DDX10: variants seen among roughly 807,000 people sequenced by gnomAD.
DDX10 encodes probable ATP-dependent RNA helicase DDX10.
In DDX10, 74 loss-of-function variants were observed where a neutral mutation model predicts 104.3. The ratio of observed to expected loss-of-function variants is 0.71; its 90% CI spans 0.59 to 0.86. DDX10 has a LOEUF of 0.86. Among genes scored for constraint, DDX10 ranks in the 40% least tolerant of loss-of-function variants. The pLI is 0.00. For synonymous variants in DDX10, 351 were observed against 353.4 expected, an observed-to-expected ratio of 0.99 and a Z score of 0.08; for missense variants, 952 against 1,040.0, an observed-to-expected ratio of 0.92 and a Z score of 1.16.
chr11:108,920,761 C>G (rs2134666424), intron 17 of DDX10: 1 of 152,306 alleles, frequency 6.6e-6, no homozygotes, highest in South Asian at 2.1e-4. Context: ...GACATGGTTT[C>G]CCACCCTCAG....
chr11:108,935,623 T>C (rs1864026806), intron 17 of DDX10, among the ~76,000 whole-genome samples: 1 of 152,154 alleles, frequency 6.6e-6, no homozygotes, highest in African/African-American at 2.4e-5. Context: ...ATGGAAACCA[T>C]TATTGAATGG....
At chr11:108,900,157 T>C (rs1863497768) in intron 16 of DDX10, among the ~76,000 whole-genome samples, 1 of 152,044 alleles carries the variant, frequency 6.6e-6, no homozygotes, top group Non-Finnish European at 1.5e-5. Context: ...CTCGCTCCTG[T>C]TCTTGCCATG....
chr11:108,798,261 G>T (rs1447246073), intron 13 of DDX10, among the ~76,000 whole-genome samples: 1 of 152,066 alleles, frequency 6.6e-6, no homozygotes, highest in Non-Finnish European at 1.5e-5. Context: ...CGGTCTCAAT[G>T]AATTTTTCTG....
At position 108,891,848 on chromosome 11, in the gene DDX10, C is replaced by T. The variant is rs548171749; in HGVS notation, c.2305-26025C>T. Among the ~76,000 whole-genome samples, 10 of 151,996 alleles carry T rather than the reference C, an allele frequency of 6.6e-5. No individual in the cohort carries two copies. The South Asian group carries it at 2.1e-3, about 32-fold the overall frequency. On this transcript the variant is annotated intron_variant, in intron 16 of 17. Transcript: ENST00000322536. ...TCTCCAGAACACTTTGTGGGGAGGG[C>T]ACCGGGAAGAGTGAAGAGCTAACAG...
chr11:108,703,935 A>G (rs1238614931), intron 9 of DDX10, among the ~76,000 whole-genome samples: 1 of 152,132 alleles, frequency 6.6e-6, no homozygotes, highest in Non-Finnish European at 1.5e-5. Flanking sequence ...TGCTTGCCTT[A>G]TGGATTTGAC....
intron 13 of DDX10, among the ~76,000 whole-genome samples, chr11:108,762,827 A>G (rs1264088397): frequency 1.3e-5 from 2 of 152,190 alleles, no homozygotes; most frequent in African/African-American, 4.8e-5. Flanking sequence ...TTTGGCTGAC[A>G]GTGAATACTC....
intron 16 of DDX10, among the ~76,000 whole-genome samples, chr11:108,854,756 TTGAA>T (rs1175912689): frequency 6.6e-6 from 1 of 152,070 alleles, no homozygotes; most frequent in Non-Finnish European, 1.5e-5. Flanking sequence ...GGGAAAGTGC[TTGAA>T]TGAAGTTTCA....
At chr11:108,902,238 C>G (rs1863526213) in intron 16 of DDX10, among the ~76,000 whole-genome samples, 2 of 149,860 alleles carry the variant, frequency 1.3e-5, no homozygotes, top group African/African-American at 5.1e-5. Context: ...TATATCTAAA[C>G]AGCAGCATAA....
intron 9 of DDX10, among the ~76,000 whole-genome samples, chr11:108,695,545 G>A (rs1474211836): frequency 6.6e-6 from 1 of 152,154 alleles, no homozygotes; most frequent in Non-Finnish European, 1.5e-5. Context: ...GCTTACCTAG[G>A]AAGTCCCCTT....
intron 16 of DDX10, among the ~76,000 whole-genome samples, chr11:108,864,359 T>C (rs1328232881): frequency 6.6e-6 from 1 of 152,028 alleles, no homozygotes; most frequent in Admixed American, 6.6e-5. Flanking sequence ...TATGTATAAT[T>C]ATGATACTAC....
At chr11:108,860,544 T>TG (rs1180222769) in intron 16 of DDX10, 1 of 152,094 alleles carries the variant, frequency 6.6e-6, no homozygotes, top group Non-Finnish European at 1.5e-5. Flanking sequence ...ACTATTTTTT[T>TG]TTTCTTTTTT....
At chr11:108,735,943 T>A (rs2094317794) in intron 13 of DDX10, among the ~76,000 whole-genome samples, 1 of 152,168 alleles carries the variant, frequency 6.6e-6, no homozygotes, top group Non-Finnish European at 1.5e-5. Flanking sequence ...GAAAGTGAAG[T>A]ATAAGTATAA....
At chr11:108,702,106 T>C (rs1233412675) in intron 9 of DDX10, among the ~76,000 whole-genome samples, 2 of 152,138 alleles carry the variant, frequency 1.3e-5, no homozygotes, top group Non-Finnish European at 2.9e-5. Flanking sequence ...TAAGGACATA[T>C]ACTGATATTG....
At chr11:108,744,292 A>T (rs1228238849) in intron 13 of DDX10, among the ~76,000 whole-genome samples, 1 of 152,204 alleles carries the variant, frequency 6.6e-6, no homozygotes, top group Admixed American at 6.5e-5. Flanking sequence ...GCCTTAGCAG[A>T]TGCCTAAAAA....
chr11:108,830,319 T>C (rs950748752), intron 13 of DDX10, among the ~76,000 whole-genome samples: 2 of 152,212 alleles, frequency 1.3e-5, no homozygotes, highest in African/African-American at 4.8e-5. Flanking sequence ...TTTTTGCAGC[T>C]ATTCTGAAAG....
chr11:108,739,072 C>G (rs539597626), intron 13 of DDX10, among the ~76,000 whole-genome samples: 4 of 152,152 alleles, frequency 2.6e-5, no homozygotes, highest in Non-Finnish European at 5.9e-5. Flanking sequence ...TCTGCCCCCC[C>G]AGGGAGACAC....
At position 108,693,551 on chromosome 11, in the gene DDX10, T is replaced by A; in HGVS notation, c.1174T>A (p.Cys392Ser). The A allele has an allele frequency of 6.2e-7, 1 of 1,614,170 alleles. No individual in the cohort carries two copies. Among genetic ancestry groups the A allele is most frequent in the Non-Finnish European group, 8.5e-7 (1 of 1,180,018 alleles). ...CGTGAATTGGGTTCTTCAGTTTGAT[T>A]GTCCTGAGGATGCCAACACATATAT... ...PAVNWVLQFD[C>S]PEDANTYIHR... The change falls in exon 9 of 18, where the codon TGT (cysteine) becomes AGT (serine). Residue 392 changes from cysteine (C) to serine (S), a missense_variant. By Grantham distance (112) the Cys-to-Ser change is moderately radical. This residue lies in a region of DDX10 where 412 missense variants were observed against 479.2 expected (regional missense o/e 0.86). Transcript: ENST00000322536.
intron 16 of DDX10, among the ~76,000 whole-genome samples, chr11:108,900,989 C>T (rs545788802): frequency 3.7e-4 from 56 of 152,262 alleles, no homozygotes; most frequent in Admixed American, 2.0e-3. Flanking sequence ...TTACCCTGAG[C>T]GTAAGTGAAA....
chr11:108,731,929 T>C (rs1328998682), intron 13 of DDX10, among the ~76,000 whole-genome samples: 1 of 152,212 alleles, frequency 6.6e-6, no homozygotes, highest in Non-Finnish European at 1.5e-5. Flanking sequence ...CTGACTTTGT[T>C]GAAATTTTTG....
Sources: gnomAD v4.1 joint callset for allele counts (sites outside exome capture counted in the v4.1 genomes callset) on GRCh38, gnomAD v4.1.1 for gene constraint, gnomAD v4.1.1 regional missense constraint, MANE v1.5 for transcripts, NCBI Gene and HGNC (gene_info 2026-07-23, HGNC 2026-07-21) for gene names.